The following ANKRD17 variants were observed in gnomAD, a reference collection of about 807,000 sequenced individuals.
ANKRD17 encodes the protein ankyrin repeat domain-containing protein 17.
Under a neutral mutation model 229.7 loss-of-function variants are expected in ANKRD17, and 19 were observed. The ratio of observed to expected loss-of-function variants is 0.08; its 90% CI spans 0.06 to 0.12. ANKRD17 has a LOEUF of 0.12. Ranked by LOEUF, ANKRD17 falls within the 10% of genes least tolerant of loss-of-function variation. ANKRD17 has a pLI of 1.00. For synonymous variants in ANKRD17, 1,112 were observed against 1,146.1 expected (o/e 0.97, Z 0.60); for missense variants, 2,176 against 3,176.8 (o/e 0.68, Z 7.57).
chr4:73,120,402 G>T, intron 20 of ANKRD17, 65 bp from the exon 21 acceptor site: 2 of 1,454,660 alleles, frequency 1.4e-6, no homozygotes, highest in South Asian at 2.5e-5. Flanking sequence ...AAATTGTAAA[G>T]AATAACAACT....
chr4:73,215,944 T>C (rs149927114), intron 1 of ANKRD17, among the ~76,000 whole-genome samples: 3 of 152,328 alleles, frequency 2.0e-5, no homozygotes, highest in African/African-American at 4.8e-5. Context: ...CTGGCACCTG[T>C]AGTCTCAGCT....
chr4:73,180,270 G>A (rs893259361), intron 1 of ANKRD17, among the ~76,000 whole-genome samples: 1 of 152,030 alleles, frequency 6.6e-6, no homozygotes, highest in Non-Finnish European at 1.5e-5. Flanking sequence ...AGAAGAGAAA[G>A]AAGGAACATG....
intron 1 of ANKRD17, among the ~76,000 whole-genome samples, chr4:73,221,088 C>G (rs1326286825): frequency 6.6e-6 from 1 of 152,000 alleles, no homozygotes; most frequent in Non-Finnish European, 1.5e-5. Context: ...TTGGATAAGG[C>G]TCTTTTATTA....
In ANKRD17 at chr4:73,129,716, T is replaced by TCAA. The variant is rs112066324; in HGVS notation, c.3235-4407_3235-4405dup. ...TGGCTGACAAGAGTGAGACCCTGTC[T>TCAA]CAACAACAACAACAACAACAACAAA... is the stretch of plus-strand genomic sequence containing the variant. On this transcript the variant is annotated intron_variant, in intron 16 of 33. Coordinates refer to ENST00000358602, the MANE Select transcript of ANKRD17 (RefSeq NM_032217.5). 1.9e-3 allele frequency among the ~76,000 whole-genome samples: 289 copies of TCAA among 150,608 alleles called. 1 individual carries two copies. Among genetic ancestry groups the TCAA allele is most frequent in the African/African-American group, 5.7e-3 (233 of 41,066 alleles).
chr4:73,078,428 C>T (rs1282890811), intron 31 of ANKRD17, among the ~76,000 whole-genome samples: 3 of 151,906 alleles, frequency 2.0e-5, no homozygotes, highest in African/African-American at 7.3e-5. Context: ...ATCCCAGCTA[C>T]TTGGGAGGCT....
At chr4:73,248,980 G>T (rs997069447) in intron 1 of ANKRD17, among the ~76,000 whole-genome samples, 1 of 152,078 alleles carries the variant, frequency 6.6e-6, no homozygotes, top group East Asian at 1.9e-4. Flanking sequence ...CAACAATGGG[G>T]TCAAAGGCAT....
At chr4:73,090,349 G>T (rs1017851934) in intron 29 of ANKRD17, among the ~76,000 whole-genome samples, 2 of 152,180 alleles carry the variant, frequency 1.3e-5, no homozygotes, top group Non-Finnish European at 2.9e-5. Flanking sequence ...GGCAGAGGTT[G>T]CGGTGAGCTG....
At chr4:73,112,987 CA>C (rs1725501557) in intron 24 of ANKRD17, 3 of 658,594 alleles carry the variant, frequency 4.6e-6, no homozygotes, top group Non-Finnish European at 5.9e-6. Context: ...GGTGTTTTGC[CA>C]TGTTGGCCAG....
At chr4:73,252,639 C>G (rs1403203423) in intron 1 of ANKRD17, among the ~76,000 whole-genome samples, 1 of 152,082 alleles carries the variant, frequency 6.6e-6, no homozygotes, top group Admixed American at 6.5e-5. Context: ...GATTCACAGC[C>G]TAGCCAGACC....
In ANKRD17 at chr4:73,147,288, G is replaced by C. The variant is rs748978140; in HGVS notation, c.1712C>G (p.Ala571Gly). The C allele has an allele frequency of 1.3e-6, 2 of 1,599,322 alleles. No homozygotes were observed. Among genetic ancestry groups the C allele is most frequent in the Admixed American group, 1.7e-5 (1 of 57,430 alleles). Reference protein sequence around the residue: ...ELGCSTPLMEAAQEGHLELVK... With the variant: ...ELGCSTPLMEGAQEGHLELVK... ...TAACTCCAAATGACCCTCTTGAGCA[G>C]CTTCCATTAAAGGGGTAGAACACCC... The change falls in exon 9 of 34, where the codon GCT becomes GGT. Residue 571 changes from alanine (A) to glycine (G), a missense_variant. Transcript: ENST00000358602.
chr4:73,204,593 TAAAGA>T lies in ANKRD17; in HGVS notation c.394-27065_394-27061del, dbSNP rs1447676507. ...ATAAAACTGGATCCACCCAAAGTAA[TAAAGA>T]GCACTAGAAATGGCATAAAATGGAT... On this transcript the variant is annotated intron_variant, in intron 1 of 33. Transcript: ENST00000358602. 3.3e-5 allele frequency among the ~76,000 whole-genome samples: 5 copies of T among 151,926 alleles called. No homozygotes were observed. The East Asian group carries it at 9.7e-4, about 29-fold the overall frequency.
At position 73,147,328 on chromosome 4, in the gene ANKRD17, C is replaced by A; in HGVS notation, c.1672G>T (p.Ala558Ser). 1 of 1,610,204 alleles carries A rather than the reference C, an allele frequency of 6.2e-7. No individual in the cohort carries two copies. Reference protein sequence around the residue: ...EVADFLIKAGADIELGCSTPL... With the variant: ...EVADFLIKAGSDIELGCSTPL... ...GTAGAACACCCTAGTTCTATATCGGCTCCTGCCTTAATTAGAAAGTCTGCC... is the reference window on the plus strand; with the variant it reads ...GTAGAACACCCTAGTTCTATATCGGATCCTGCCTTAATTAGAAAGTCTGCC... The change falls in exon 9 of 34, where the codon GCC (alanine) becomes TCC (serine). Residue 558 changes from alanine (A) to serine (S), a missense_variant. Ala to Ser is a moderately conservative substitution (Grantham distance 99). Around this residue, in one of 18 missense-constraint regions of ANKRD17, gnomAD observed 275 missense variants for 386.9 expected, o/e 0.71. Transcript: ENST00000358602.
intron 6 of ANKRD17, 46 bp from the exon 7 acceptor site, chr4:73,151,570 C>A: frequency 7.8e-7 from 1 of 1,283,968 alleles, no homozygotes; most frequent in Non-Finnish European, 1.0e-6. Flanking sequence ...TTTATTATTC[C>A]AAAATATTTT....
chr4:73,100,661 G>A (rs1048280392), intron 25 of ANKRD17, among the ~76,000 whole-genome samples: 11 of 152,004 alleles, frequency 7.2e-5, no homozygotes, highest in African/African-American at 2.4e-4. Context: ...CACATGATAT[G>A]TATAGCTTAC....
At chr4:73,110,463 C>T (rs1395586464) in intron 24 of ANKRD17, among the ~76,000 whole-genome samples, 1 of 152,164 alleles carries the variant, frequency 6.6e-6, no homozygotes, top group Non-Finnish European at 1.5e-5. Context: ...CCACCATGCC[C>T]AGTTTTCTGC....
intron 1 of ANKRD17, among the ~76,000 whole-genome samples, chr4:73,186,245 A>AT (rs1386289879): frequency 6.6e-6 from 1 of 151,986 alleles, no homozygotes; most frequent in Admixed American, 6.6e-5. Flanking sequence ...CAATTCAAAT[A>AT]TTTTTTCTAT....
chr4:73,106,079 A>G (rs1227060846), intron 24 of ANKRD17, among the ~76,000 whole-genome samples: 6 of 152,122 alleles, frequency 3.9e-5, no homozygotes, highest in Non-Finnish European at 8.8e-5. Flanking sequence ...TACTTCTTGG[A>G]GAACTGCTGT....
At chr4:73,158,688 G>A (rs1453261515) in intron 3 of ANKRD17, among the ~76,000 whole-genome samples, 1 of 152,204 alleles carries the variant, frequency 6.6e-6, no homozygotes, top group African/African-American at 2.4e-5. Flanking sequence ...AGTCATGGGG[G>A]CTTTGTCTTC....
intron 24 of ANKRD17, among the ~76,000 whole-genome samples, chr4:73,110,934 C>T (rs1218141011): frequency 6.6e-6 from 1 of 152,128 alleles, no homozygotes; most frequent in African/African-American, 2.4e-5. Context: ...CTTGACTTCT[C>T]TTAAAACTAA....
Sources: gnomAD v4.1 joint callset for allele counts (sites outside exome capture counted in the v4.1 genomes callset) on GRCh38, gnomAD v4.1.1 for gene constraint, gnomAD v4.1.1 regional missense constraint, MANE v1.5 for transcripts, NCBI Gene and HGNC (gene_info 2026-07-23, HGNC 2026-07-21) for gene names.